The following RAD52 variants were observed in gnomAD, a reference collection of about 807,000 sequenced individuals.
The protein encoded by RAD52 is DNA repair protein RAD52 homolog.
RAD52 carries 47 observed loss-of-function variants against 55.5 expected under a neutral mutation model. That is an observed-to-expected ratio of 0.85 (90% CI 0.67 to 1.08). RAD52 has a LOEUF of 1.08. Among genes scored for constraint, RAD52 ranks in the 50% least tolerant of loss-of-function variants. The pLI is 0.00. For missense variants in RAD52, 468 were observed against 522.8 expected, an observed-to-expected ratio of 0.90 and a Z score of 1.02; for synonymous variants, 184 against 198.9, an observed-to-expected ratio of 0.92 and a Z score of 0.63.
intron 9 of RAD52, among the ~76,000 whole-genome samples, chr12:914,831 TA>T (rs11064586): frequency 0.99 from 150,788 of 152,344 alleles, 74,646 homozygotes; most frequent in East Asian, 1. Context: ...GCTCGCTTGT[TA>T]ACAGCCATAA....
rs1040184563 is a variant in RAD52 at position 949,528 on chromosome 12, A to T, written c.-19+74T>A. On this transcript the variant is annotated intron_variant, in intron 1 of 11. Transcript: ENST00000358495. ...CCGCAGCCCCAGGTTCTCGACCCGG[A>T]AGCTGAGCCTTCCCACGCTCCACAC... 2.0e-5 allele frequency: 3 copies of T among 152,546 alleles called. No individual in the cohort carries two copies. The East Asian group carries it at 5.8e-4, about 29-fold the overall frequency. 9.4% of individuals were successfully genotyped at this position (152,546 alleles called of 1,614,324 possible).
At chr12:958,311 G>A (rs1958637802) in intron 1 of RAD52, among the ~76,000 whole-genome samples, 1 of 152,278 alleles carries the variant, frequency 6.6e-6, no homozygotes, top group South Asian at 2.1e-4. Context: ...GGCCTCCTGG[G>A]TTCAAGCCAT....
At chr12:932,818 C>CGCACCGCGTCA (rs1565673025) in intron 2 of RAD52, among the ~76,000 whole-genome samples, 157 bp downstream of exon 2, 17 of 68,556 alleles carry the variant, frequency 2.5e-4, no homozygotes, top group African/African-American at 4.1e-4. Flanking sequence ...ACTGCTCACA[C>CGCACCGCGTCA]ACGTACTAGG....
chr12:951,657 G>T (rs1305048345), upstream of RAD52, among the ~76,000 whole-genome samples: 2 of 152,064 alleles, frequency 1.3e-5, no homozygotes, highest in African/African-American at 4.8e-5. Context: ...CCAGCTCATG[G>T]TTTTATTAAT....
chr12:916,505 A>T, intron 8 of RAD52, 22 bp from the exon 9 acceptor site: 1 of 1,606,350 alleles, frequency 6.2e-7, no homozygotes, highest in African/African-American at 1.3e-5. Context: ...GGCGGCGGCG[A>T]GGACGGGCTC....
intron 1 of RAD52, among the ~76,000 whole-genome samples, chr12:972,289 A>C (rs1333981889): frequency 6.6e-6 from 1 of 152,110 alleles, no homozygotes; most frequent in Non-Finnish European, 1.5e-5. Context: ...TATATATATA[A>C]ATACACATAT....
At position 928,758 on chromosome 12, in the gene RAD52, C is replaced by T. The variant is rs1467048059; in HGVS notation, c.348+1061G>A. On this transcript the variant is annotated intron_variant, in intron 5 of 11. Coordinates refer to ENST00000358495, the MANE Select transcript of RAD52 (RefSeq NM_134424.4). ...AATTGTCTGGTCAATTGTGTGTTAACAGTAGCTATAATATAACTAAATCCA... is the reference window on the plus strand; with the variant it reads ...AATTGTCTGGTCAATTGTGTGTTAATAGTAGCTATAATATAACTAAATCCA... Among the ~76,000 whole-genome samples, 3 of 152,000 alleles carry T rather than the reference C, an allele frequency of 2.0e-5. No homozygotes were observed. The East Asian group carries it at 5.8e-4, about 29-fold the overall frequency.
chr12:953,460 T>C (rs1382091398), upstream of RAD52, among the ~76,000 whole-genome samples: 1 of 152,168 alleles, frequency 6.6e-6, no homozygotes, highest in Non-Finnish European at 1.5e-5. Flanking sequence ...TCCCCTGCTG[T>C]GAGAGCAAGC....
At chr12:977,982 G>A (rs1958956053) in intron 1 of RAD52, among the ~76,000 whole-genome samples, 1 of 152,164 alleles carries the variant, frequency 6.6e-6, no homozygotes, top group Non-Finnish European at 1.5e-5. Flanking sequence ...AGTGAATATG[G>A]GCAGAACACT....
chr12:963,832 AAAAG>A (rs1362330039), intron 1 of RAD52, among the ~76,000 whole-genome samples: 1 of 152,124 alleles, frequency 6.6e-6, no homozygotes, highest in Non-Finnish European at 1.5e-5. Context: ...AGTAAAAAAA[AAAAG>A]AAAGAAAAGA....
chr12:984,944 C>T (rs189816692), intron 1 of RAD52, among the ~76,000 whole-genome samples: 46 of 151,682 alleles, frequency 3.0e-4, no homozygotes, highest in African/African-American at 9.9e-4. Context: ...GGATTATAGG[C>T]GTGAGCCACC....
At chr12:964,523 G>A (rs1210654285) in intron 1 of RAD52, among the ~76,000 whole-genome samples, 7 of 151,992 alleles carry the variant, frequency 4.6e-5, no homozygotes, top group African/African-American at 9.7e-5. Context: ...ATCTGAGATC[G>A]TGCCACTGCG....
intron 1 of RAD52, among the ~76,000 whole-genome samples, chr12:973,566 C>A (rs1445834400): frequency 6.7e-6 from 1 of 148,664 alleles, no homozygotes; most frequent in African/African-American, 2.5e-5. Context: ...CAATCTCCAA[C>A]TCCCTGGCTC....
Position 911,860 on chromosome 12 carries a change from T to C in RAD52, c.*1531A>G, listed in dbSNP as rs1956106388. ...CATGGAGAAACCCCGTCTCCTCTAC[T>C]AAAAATACAAAAATTAGTCGGGCGT... On this transcript the variant is annotated 3_prime_UTR_variant, in exon 12 of 12. Coordinates refer to ENST00000358495, the MANE Select transcript of RAD52 (RefSeq NM_134424.4). Among the ~76,000 whole-genome samples the C allele has an allele frequency of 7.4e-6, 1 of 134,284 alleles. No individual in the cohort carries two copies. The highest frequency in any genetic ancestry group is 8.2e-5 in the Admixed American group (1 of 12,242). 88.1% of individuals were successfully genotyped at this position (134,284 alleles called of 152,430 possible).
chr12:978,798 G>A (rs796559845), intron 1 of RAD52, among the ~76,000 whole-genome samples: 6 of 152,110 alleles, frequency 3.9e-5, no homozygotes, highest in African/African-American at 1.4e-4. Context: ...CTTGAACCCA[G>A]GAGGCAGAGG....
At chr12:921,273 T>C (rs1956713234) in intron 7 of RAD52, among the ~76,000 whole-genome samples, 1 of 151,180 alleles carries the variant, frequency 6.6e-6, no homozygotes, top group African/African-American at 2.4e-5. Flanking sequence ...CAAACATAAG[T>C]GAAAGAGAGA....
upstream of RAD52, among the ~76,000 whole-genome samples, chr12:951,963 GA>G (rs1351292098): frequency 6.6e-6 from 1 of 151,300 alleles, no homozygotes; most frequent in African/African-American, 2.4e-5. Flanking sequence ...TTTTTTTTAT[GA>G]AAAACTTTTT....
At chr12:969,668 G>A (rs1958814806) in intron 1 of RAD52, among the ~76,000 whole-genome samples, 2 of 151,794 alleles carry the variant, frequency 1.3e-5, no homozygotes, top group African/African-American at 4.9e-5. Context: ...TCATGCTCCT[G>A]TAGTCCCAGC....
intron 1 of RAD52, chr12:937,002 G>A (rs907442921): frequency 9.2e-5 from 14 of 152,186 alleles, no homozygotes; most frequent in African/African-American, 3.4e-4. Flanking sequence ...TTGCCTTGGA[G>A]GTGTAAGGGT....
Sources: allele counts gnomAD v4.1 joint callset (sites outside exome capture counted in the v4.1 genomes callset), GRCh38; gene constraint gnomAD v4.1.1; transcripts MANE v1.5; gene names NCBI Gene and HGNC (gene_info 2026-07-23, HGNC 2026-07-21).